Variants in SDK1 observed in about 807,000 individuals in gnomAD.
SDK1 encodes sidekick cell adhesion molecule 1.
Under a neutral mutation model 245.5 loss-of-function variants are expected in SDK1, and 157 were observed. The ratio of observed to expected loss-of-function variants is 0.64; its 90% confidence interval spans 0.56 to 0.73. The LOEUF is 0.73. Among genes scored for constraint, SDK1 ranks in the 30% least tolerant of loss-of-function variants. SDK1 has a pLI of 0.00. For synonymous variants in SDK1, 1,647 were observed against 1,278.5 expected, an observed-to-expected ratio of 1.29 and a Z score of -6.15; for missense variants, 3,583 against 3,002.3, an observed-to-expected ratio of 1.19 and a Z score of -4.52.
chr7:3,930,346 A>C (rs1198258752), intron 5 of SDK1, among the ~76,000 whole-genome samples: 10 of 152,176 alleles, frequency 6.6e-5, no homozygotes. Flanking sequence ...GTGGAGTGGA[A>C]ATGCAGGGTC....
intron 4 of SDK1, among the ~76,000 whole-genome samples, chr7:3,802,504 C>T (rs145153747): frequency 4.6e-5 from 7 of 151,990 alleles, no homozygotes; most frequent in African/African-American, 1.7e-4. Context: ...CGTTGCACTC[C>T]AACCTGGGGA....
At chr7:3,835,126 C>G (rs941185683) in intron 5 of SDK1, among the ~76,000 whole-genome samples, 1 of 152,132 alleles carries the variant, frequency 6.6e-6, no homozygotes, top group Non-Finnish European at 1.5e-5. Flanking sequence ...TGAATAGCAG[C>G]CTGGGCATTC....
At chr7:3,416,262 T>G (rs375784133) in intron 1 of SDK1, among the ~76,000 whole-genome samples, 1 of 152,168 alleles carries the variant, frequency 6.6e-6, no homozygotes, top group East Asian at 1.9e-4. Context: ...GAAGTCATAT[T>G]ACTAAAAGTT....
intron 28 of SDK1, among the ~76,000 whole-genome samples, chr7:4,134,580 A>G (rs184415646): frequency 1.3e-5 from 2 of 152,330 alleles, no homozygotes; most frequent in Admixed American, 1.3e-4. Context: ...AACAAGAAAC[A>G]TTGACAGAGT....
chr7:3,868,188 T>A (rs4431501), intron 5 of SDK1, among the ~76,000 whole-genome samples: 46,590 of 152,092 alleles, frequency 0.31, 9,920 homozygotes, highest in African/African-American at 0.61. Context: ...AGGTAACCTG[T>A]CATCACCCAC....
rs151125881 is a variant in SDK1 at position 3,449,193 on chromosome 7, G to T, written c.298+147309G>T. 1.6e-3 allele frequency among the ~76,000 whole-genome samples: 246 copies of T among 152,290 alleles called. 1 individual carries two copies. Among genetic ancestry groups the T allele is most frequent in the African/African-American group, 5.5e-3 (229 of 41,568 alleles). On this transcript the variant is annotated intron_variant, in intron 1 of 44. Transcript: ENST00000404826. ...GTAAAGCTGTGTGTCACGTTTTGGG[G>T]CTAGGGGTGCCTCAAAGCTGCACCT... is the stretch of plus-strand genomic sequence containing the variant.
At chr7:3,706,738 G>A (rs887967514) in intron 4 of SDK1, among the ~76,000 whole-genome samples, 63 of 152,210 alleles carry the variant, frequency 4.1e-4, no homozygotes, top group African/African-American at 1.1e-3. Context: ...CAGTCTCACT[G>A]CTTGTTACTG....
chr7:4,061,924 T>C (rs1187870009), intron 19 of SDK1, among the ~76,000 whole-genome samples: 2 of 137,044 alleles, frequency 1.5e-5, no homozygotes, highest in African/African-American at 5.6e-5. Flanking sequence ...TAGGTGGGAA[T>C]TGAACAGTGA....
chr7:3,632,493 A>T (rs1038124019), intron 2 of SDK1, among the ~76,000 whole-genome samples: 4 of 152,232 alleles, frequency 2.6e-5, no homozygotes, highest in Non-Finnish European at 4.4e-5. Context: ...AATTGATACC[A>T]GGAGAGCTTA....
At chr7:4,238,528 A>T (rs987307322) in intron 42 of SDK1, among the ~76,000 whole-genome samples, 3 of 150,528 alleles carry the variant, frequency 2.0e-5, no homozygotes, top group Non-Finnish European at 4.4e-5. Flanking sequence ...ACACCACTGT[A>T]CTCCAGCCTG....
At position 3,317,399 on chromosome 7, in the gene SDK1, T is replaced by C. The variant is rs150487102; in HGVS notation, c.298+15515T>C. Among the ~76,000 whole-genome samples the C allele has an allele frequency of 4.7e-3, 722 of 152,308 alleles. 10 individuals are homozygous for C. Among genetic ancestry groups the C allele is most frequent in the African/African-American group, 0.017 (686 of 41,568 alleles). On this transcript the variant is annotated intron_variant, in intron 1 of 44. Transcript: ENST00000404826. Reference sequence around the variant, plus strand: ...TTGTGTTTTTATTTTTGTTTTCATCTATCTGCTTTCCAGACTAATTGGGGA... The same window carrying C: ...TTGTGTTTTTATTTTTGTTTTCATCCATCTGCTTTCCAGACTAATTGGGGA...
At chr7:3,957,571 G>A (rs143944961) in intron 7 of SDK1, among the ~76,000 whole-genome samples, 23 of 152,172 alleles carry the variant, frequency 1.5e-4, no homozygotes, top group African/African-American at 5.3e-4. Flanking sequence ...TTCCTTCCAT[G>A]CTTTTAATCA....
In SDK1 at chr7:4,265,287, T is replaced by G; in HGVS notation, c.6545T>G (p.Leu2182Arg). ...AVAGSEAGAQ[L>R]HPVITTQSAG... Reference sequence around the variant, plus strand: ...GCGGGCTCCGAGGCGGGCGCGCAGCTGCACCCGGTCATCACCACGCAGAGC... The same window carrying G: ...GCGGGCTCCGAGGCGGGCGCGCAGCGGCACCCGGTCATCACCACGCAGAGC... The change falls in exon 45 of 45, where the codon CTG becomes CGG. Residue 2182 changes from leucine (L) to arginine (R), a missense_variant. Transcript: ENST00000404826. 6.3e-7 allele frequency: 1 copy of G among 1,585,028 alleles called. No homozygotes were observed. The highest frequency in any genetic ancestry group is 8.5e-7 in the Non-Finnish European group (1 of 1,172,578).
chr7:3,738,770 A>C (rs917980820), intron 4 of SDK1, among the ~76,000 whole-genome samples: 1 of 151,876 alleles, frequency 6.6e-6, no homozygotes, highest in Non-Finnish European at 1.5e-5. Context: ...ATTTTTAAGT[A>C]TTTTACTCTT....
chr7:3,841,573 C>CTTT (rs553320567), intron 5 of SDK1, among the ~76,000 whole-genome samples: 62 of 146,500 alleles, frequency 4.2e-4, no homozygotes, highest in African/African-American at 1.5e-3. Context: ...TTCTCTTTTT[C>CTTT]TTTTTTTTTT....
chr7:3,326,501 C>T (rs990366192), intron 1 of SDK1, among the ~76,000 whole-genome samples: 1 of 152,006 alleles, frequency 6.6e-6, no homozygotes, highest in South Asian at 2.1e-4. Flanking sequence ...TCTGGTAATT[C>T]TGTTAGTTTA....
At chr7:3,548,410 A>T (rs555800816) in intron 1 of SDK1, among the ~76,000 whole-genome samples, 2 of 152,320 alleles carry the variant, frequency 1.3e-5, no homozygotes, top group East Asian at 3.9e-4. Context: ...CTCCAAAACT[A>T]CTGAGCTACA....
intron 30 of SDK1, among the ~76,000 whole-genome samples, chr7:4,157,704 A>G (rs1050862892): frequency 3.9e-5 from 6 of 152,132 alleles, no homozygotes; most frequent in Non-Finnish European, 5.9e-5. Flanking sequence ...ATTGCCATTT[A>G]CTAGTCTTGT....
chr7:4,031,792 C>T (rs992960032), intron 17 of SDK1, among the ~76,000 whole-genome samples: 1 of 151,868 alleles, frequency 6.6e-6, no homozygotes, highest in Admixed American at 6.6e-5. Flanking sequence ...TTTGGGAGGC[C>T]GAGGTGGGTG....
Sources: allele counts gnomAD v4.1 joint callset (sites outside exome capture counted in the v4.1 genomes callset), GRCh38; gene constraint gnomAD v4.1.1; transcripts MANE v1.5; gene names NCBI Gene and HGNC (gene_info 2026-07-23, HGNC 2026-07-21).